The following HSD17B2 variants were observed in gnomAD, a reference collection of about 807,000 sequenced individuals.
HSD17B2 encodes the protein hydroxysteroid 17-beta dehydrogenase 2, also known as 17-beta-hydroxysteroid dehydrogenase type 2.
Under a neutral mutation model 26.9 loss-of-function variants are expected in HSD17B2, and 32 were observed. The observed-to-expected ratio is 1.19, with a 90% CI of 0.90 to 1.60. The LOEUF (loss-of-function observed/expected upper bound fraction) is 1.60, where lower values mean the gene tolerates loss of function less well. Among genes scored for constraint, HSD17B2 ranks in the 40% most tolerant of loss-of-function variants. The probability of loss-of-function intolerance (pLI) is 0.00; values close to 1 mark genes in which losing one functional copy is unlikely to be tolerated. For missense variants in HSD17B2, 613 were observed against 468.6 expected (o/e 1.31, Z -2.85); for synonymous variants, 246 against 186.7 (o/e 1.32, Z -2.59).
chr16:82,082,139 T>C (rs894375415), intron 3 of HSD17B2, among the ~76,000 whole-genome samples: 6 of 152,212 alleles, frequency 3.9e-5, no homozygotes, highest in African/African-American at 1.2e-4. Flanking sequence ...CCATTAAAGT[T>C]TGGCTCCTTT....
chr16:82,060,487 G>A lies in HSD17B2; in HGVS notation c.266-7683G>A, dbSNP rs557889943. On this transcript the variant is annotated intron_variant, in intron 1 of 4. Transcript: ENST00000199936. ...CTGATGGGTCCCTTGTGGGAATGCC[G>A]ACTCATCTCCTGGTTAATCAAGAGA... Among the ~76,000 whole-genome samples the A allele has an allele frequency of 1.1e-3, 167 of 152,340 alleles. 1 individual carries two copies. Among genetic ancestry groups the A allele is most frequent in the Non-Finnish European group, 2.0e-3 (135 of 68,026 alleles).
At chr16:82,065,513 T>C (rs996653366) in intron 1 of HSD17B2, among the ~76,000 whole-genome samples, 1 of 152,190 alleles carries the variant, frequency 6.6e-6, no homozygotes, top group Non-Finnish European at 1.5e-5. Context: ...GTGCCAATAA[T>C]AAGGCAGAAG....
intron 3 of HSD17B2, among the ~76,000 whole-genome samples, chr16:82,079,337 C>T (rs796829608): frequency 9.9e-5 from 15 of 152,234 alleles, no homozygotes; most frequent in Middle Eastern, 3.4e-3. Context: ...ACCAAGGTGT[C>T]GGCAGGGTTG....
intron 1 of HSD17B2, among the ~76,000 whole-genome samples, chr16:82,045,971 C>T (rs1913914295): frequency 6.6e-6 from 1 of 152,222 alleles, no homozygotes; most frequent in Admixed American, 6.5e-5. Context: ...AAGACCTTTG[C>T]TCTAGGCAAA....
intron 2 of HSD17B2, 149 bp downstream of exon 2, chr16:82,068,531 C>T: frequency 1.5e-6 from 1 of 647,366 alleles, no homozygotes; most frequent in Non-Finnish European, 2.7e-6. Context: ...TGTGTGGGGG[C>T]CTCTATCAAC....
chr16:82,047,673 C>G (rs896045787), intron 1 of HSD17B2, among the ~76,000 whole-genome samples: 1 of 152,144 alleles, frequency 6.6e-6, no homozygotes, highest in African/African-American at 2.4e-5. Context: ...GAAGGAAGCC[C>G]TGTAGGACTT....
At chr16:82,048,649 G>T (rs1431960316) in intron 1 of HSD17B2, among the ~76,000 whole-genome samples, 1 of 152,206 alleles carries the variant, frequency 6.6e-6, no homozygotes, top group African/African-American at 2.4e-5. Context: ...GATGAACTAG[G>T]AGGCTGTTGC....
intron 1 of HSD17B2, among the ~76,000 whole-genome samples, chr16:82,045,333 A>C (rs1449268313): frequency 6.6e-6 from 1 of 152,026 alleles, no homozygotes; most frequent in African/African-American, 2.4e-5. Flanking sequence ...ACAGTATCTA[A>C]ATGAAGATAT....
At chr16:82,053,302 T>G (rs748848147) in intron 1 of HSD17B2, among the ~76,000 whole-genome samples, 2 of 151,966 alleles carry the variant, frequency 1.3e-5, no homozygotes, top group Non-Finnish European at 2.9e-5. Flanking sequence ...GTCTTACAGG[T>G]AGAGAAGATT....
In HSD17B2 at chr16:82,035,692, A is replaced by G. The variant is rs374059066; in HGVS notation, c.265+3A>G. 1.1e-5 allele frequency: 17 copies of G among 1,612,738 alleles called. No individual in the cohort carries two copies. The highest frequency in any genetic ancestry group is 5.3e-5 in the African/African-American group (4 of 74,932). ...TCAGAAGGCAGTCCTGGTGACAGGT[A>G]AGCAGACGGTGCTACAATTTTCACT... On this transcript the variant is annotated splice_donor_region_variant and intron_variant, in intron 1 of 4. Transcript: ENST00000199936.
chr16:82,044,068 G>A (rs973474656), intron 1 of HSD17B2, among the ~76,000 whole-genome samples: 1 of 152,138 alleles, frequency 6.6e-6, no homozygotes, highest in Non-Finnish European at 1.5e-5. Context: ...CCATGGCCTA[G>A]TTTCCAGAAC....
rs539342937 is a variant in HSD17B2, at chr16:82,035,305, G to A, written c.-120G>A. 43 of 854,030 alleles carry A rather than the reference G, an allele frequency of 5.0e-5. No individual in the cohort carries two copies. The African/African-American group carries it at 7.2e-4, about 14-fold the overall frequency. 52.9% of individuals were successfully genotyped at this position (854,030 alleles called of 1,614,324 possible). ...TCTATGCTCAGTTGAAAGGGGCTGG[G>A]GCTGCTTTCTCCCCTCCCTTCTTGA... is the stretch of plus-strand genomic sequence containing the variant. On this transcript the variant is annotated 5_prime_UTR_variant, in exon 1 of 5. Transcript: ENST00000199936.
At chr16:82,036,694 T>G (rs952734234) in intron 1 of HSD17B2, among the ~76,000 whole-genome samples, 4 of 152,144 alleles carry the variant, frequency 2.6e-5, no homozygotes, top group African/African-American at 9.7e-5. Flanking sequence ...TTGGTGCTTG[T>G]TGGGGTTAGA....
chr16:82,074,588 G>A (rs8191197), intron 3 of HSD17B2, among the ~76,000 whole-genome samples: 254 of 152,248 alleles, frequency 1.7e-3, no homozygotes, highest in Non-Finnish European at 2.7e-3. Context: ...GATCAAAACC[G>A]TAAAAAGAGA....
intron 1 of HSD17B2, among the ~76,000 whole-genome samples, chr16:82,066,586 C>T (rs1378043213): frequency 6.6e-6 from 1 of 152,164 alleles, no homozygotes; most frequent in Non-Finnish European, 1.5e-5. Flanking sequence ...ATAAGGTCCA[C>T]CCTCCATTCT....
intron 3 of HSD17B2, among the ~76,000 whole-genome samples, chr16:82,079,147 T>C (rs993923523): frequency 2.6e-5 from 4 of 152,104 alleles, no homozygotes; most frequent in African/African-American, 9.7e-5. Context: ...CACATAAATA[T>C]ATACACCAAC....
intron 2 of HSD17B2, among the ~76,000 whole-genome samples, chr16:82,070,068 T>C (rs996742549): frequency 1.3e-5 from 2 of 152,218 alleles, no homozygotes; most frequent in African/African-American, 4.8e-5. Context: ...TCTCCACGTA[T>C]ACAAAGTTAT....
At chr16:82,051,493 A>G (rs977597027) in intron 1 of HSD17B2, among the ~76,000 whole-genome samples, 30 of 152,006 alleles carry the variant, frequency 2.0e-4, no homozygotes, top group African/African-American at 6.5e-4. Flanking sequence ...GCATGTTCTC[A>G]CTCATAAGTG....
intron 1 of HSD17B2, among the ~76,000 whole-genome samples, chr16:82,038,536 G>A (rs533262196): frequency 6.6e-6 from 1 of 152,242 alleles, no homozygotes; most frequent in Admixed American, 6.5e-5. Flanking sequence ...TTTTAGTAGA[G>A]ACAGGGTTGT....
Sources: allele counts gnomAD v4.1 joint callset (sites outside exome capture counted in the v4.1 genomes callset), GRCh38; gene constraint gnomAD v4.1.1; transcripts MANE v1.5; gene names NCBI Gene and HGNC (gene_info 2026-07-23, HGNC 2026-07-21).